The following TBC1D15 variants were observed in gnomAD, a reference collection of about 807,000 sequenced individuals.
The protein encoded by TBC1D15 is TBC1 domain family member 15.
TBC1D15 carries 39 observed loss-of-function variants against 95.4 expected under a neutral mutation model. That is an observed-to-expected ratio of 0.41 (90% CI 0.32 to 0.53). The LOEUF is 0.53. TBC1D15 is among the 20% of genes least tolerant of loss of function. The probability of loss-of-function intolerance (pLI) is 0.29; values close to 1 mark genes in which losing one functional copy is unlikely to be tolerated. For missense variants in TBC1D15, 733 were observed against 794.3 expected, an observed-to-expected ratio of 0.92 and a Z score of 0.93; for synonymous variants, 258 against 261.3, an observed-to-expected ratio of 0.99 and a Z score of 0.12.
At chr12:71,902,949 G>A (rs1301690490) in intron 10 of TBC1D15, among the ~76,000 whole-genome samples, 1 of 152,110 alleles carries the variant, frequency 6.6e-6, no homozygotes, top group East Asian at 1.9e-4. Context: ...GTCTCGCTCT[G>A]TTGCCCAGGC....
intron 4 of TBC1D15, among the ~76,000 whole-genome samples, chr12:71,883,618 T>TAATA (rs1256077577): frequency 6.6e-6 from 1 of 152,148 alleles, no homozygotes; most frequent in Non-Finnish European, 1.5e-5. Context: ...CAACACTGAT[T>TAATA]AATAAGTCTT....
chr12:71,899,740 A>G (rs1371421969), intron 10 of TBC1D15, among the ~76,000 whole-genome samples: 1 of 152,164 alleles, frequency 6.6e-6, no homozygotes, highest in African/African-American at 2.4e-5. Flanking sequence ...GAGTAGGAAT[A>G]GGGAGACCAG....
intron 3 of TBC1D15, 104 bp downstream of exon 3, chr12:71,873,107 C>G (rs1893039918): frequency 5.3e-6 from 4 of 752,228 alleles, no homozygotes; most frequent in African/African-American, 1.8e-5. Flanking sequence ...TTAAAGCATA[C>G]AATTCAGTGG....
At chr12:71,877,276 T>C (rs949492107) in intron 3 of TBC1D15, among the ~76,000 whole-genome samples, 2 of 151,582 alleles carry the variant, frequency 1.3e-5, no homozygotes, top group Admixed American at 1.3e-4. Flanking sequence ...AGTTTTATGT[T>C]CTGGTTATGT....
chr12:71,892,936 G>A (rs1417622842), intron 5 of TBC1D15, among the ~76,000 whole-genome samples: 1 of 151,542 alleles, frequency 6.6e-6, no homozygotes, highest in African/African-American at 2.4e-5. Context: ...GTTCATTCCA[G>A]TTTAATCCTT....
At chr12:71,915,342 C>A (rs530059243) in intron 12 of TBC1D15, among the ~76,000 whole-genome samples, 67 of 151,448 alleles carry the variant, frequency 4.4e-4, no homozygotes, top group African/African-American at 1.5e-3. Flanking sequence ...TGGTAGCATA[C>A]CAGAATTTTC....
In TBC1D15 at chr12:71,872,491, T is replaced by C. The variant is rs576116718; in HGVS notation, c.129+323T>C. On this transcript the variant is annotated intron_variant, in intron 2 of 16. Coordinates refer to ENST00000485960, the MANE Select transcript of TBC1D15 (RefSeq NM_001146213.3). ...ATTAGCCTACAGTTGGGCAAAATTA[T>C]CTAACATAAAGCCTGTTTTATAATC... 7.9e-5 allele frequency among the ~76,000 whole-genome samples: 12 copies of C among 152,324 alleles called. No homozygotes were observed. The South Asian group carries it at 1.9e-3, about 24-fold the overall frequency.
chr12:71,840,754 C>T (rs1884769436), intron 1 of TBC1D15, among the ~76,000 whole-genome samples: 1 of 152,156 alleles, frequency 6.6e-6, no homozygotes. Context: ...GCTTTCCCTA[C>T]CCCATTTTGA....
At chr12:71,840,980 T>TA (rs1491381507) in intron 1 of TBC1D15, 1 of 152,270 alleles carries the variant, frequency 6.6e-6, no homozygotes, top group Admixed American at 6.5e-5. Context: ...AATTTTTTTT[T>TA]AAAAAAACAT....
intron 10 of TBC1D15, among the ~76,000 whole-genome samples, chr12:71,902,470 C>A (rs1390793935): frequency 2.0e-5 from 3 of 152,174 alleles, no homozygotes; most frequent in Admixed American, 1.3e-4. Flanking sequence ...CAAAAACAAG[C>A]CACAGGGAAA....
intron 10 of TBC1D15, among the ~76,000 whole-genome samples, chr12:71,906,804 TA>T (rs1181224105): frequency 1.3e-5 from 2 of 152,212 alleles, no homozygotes; most frequent in Admixed American, 6.5e-5. Context: ...AAAAATATTT[TA>T]AAATCTGCCC....
intron 1 of TBC1D15, among the ~76,000 whole-genome samples, chr12:71,867,559 A>G (rs1214346609): frequency 6.6e-6 from 1 of 152,264 alleles, no homozygotes; most frequent in Non-Finnish European, 1.5e-5. Flanking sequence ...TGGGGACCCA[A>G]AAGTGTTCTG....
chr12:71,882,074 T>G (rs989196492), intron 4 of TBC1D15, among the ~76,000 whole-genome samples: 4 of 151,836 alleles, frequency 2.6e-5, no homozygotes, highest in African/African-American at 9.7e-5. Flanking sequence ...AAAGTTTTTT[T>G]CCCCCCAAAG....
At chr12:71,902,154 G>A (rs750275343) in intron 10 of TBC1D15, among the ~76,000 whole-genome samples, 4 of 152,170 alleles carry the variant, frequency 2.6e-5, no homozygotes, top group South Asian at 4.1e-4. Flanking sequence ...TAAAATGGCC[G>A]TACTGCCCAA....
chr12:71,851,800 C>T (rs1326157199), intron 1 of TBC1D15, among the ~76,000 whole-genome samples: 4 of 126,520 alleles, frequency 3.2e-5, no homozygotes, highest in African/African-American at 6.3e-5. Flanking sequence ...TGCCCTGTGG[C>T]GTTGCAGGGC....
intron 12 of TBC1D15, among the ~76,000 whole-genome samples, chr12:71,915,417 TG>T (rs1369412691): frequency 1.4e-5 from 2 of 148,010 alleles, no homozygotes; most frequent in Non-Finnish European, 3.0e-5. Context: ...CTTTCCCCAG[TG>T]ATTAGTTTAA....
chr12:71,847,282 A>G (rs537679351), intron 1 of TBC1D15, among the ~76,000 whole-genome samples: 4 of 152,196 alleles, frequency 2.6e-5, no homozygotes, highest in Non-Finnish European at 5.9e-5. Context: ...ATTTTCTAGA[A>G]CTTTATATAA....
At chr12:71,839,882 G>C (rs1884468500) in intron 1 of TBC1D15, 71 bp downstream of exon 1, 1 of 1,588,358 alleles carries the variant, frequency 6.3e-7, no homozygotes, top group African/African-American at 1.3e-5. Context: ...CTGGCAGCTG[G>C]TTGGGGGAGG....
Position 71,849,227 on chromosome 12 carries a change from T to C in TBC1D15, c.30+9416T>C, listed in dbSNP as rs1043955803. The C allele has an allele frequency of 1.9e-5, 10 of 521,370 alleles. No homozygotes were observed. In the African/African-American group the frequency reaches 1.9e-4, roughly 10 times the overall value. 32.3% of individuals were successfully genotyped at this position (521,370 alleles called of 1,614,324 possible). ...GTGTCCATAGGGTTGTTCCTCATGG[T>C]TTGTTAGGATACTCCTGCCTGATCC... On this transcript the variant is annotated intron_variant, in intron 1 of 16. Transcript: ENST00000485960.
Sources: allele counts gnomAD v4.1 joint callset (sites outside exome capture counted in the v4.1 genomes callset), GRCh38; gene constraint gnomAD v4.1.1; transcripts MANE v1.5; gene names NCBI Gene and HGNC (gene_info 2026-07-23, HGNC 2026-07-21).